Variants in SPATS2 observed in about 807,000 individuals in gnomAD.
The protein encoded by SPATS2 is spermatogenesis associated serine rich 2.
Under a neutral mutation model 63.7 loss-of-function variants are expected in SPATS2, and 38 were observed. The ratio of observed to expected loss-of-function variants is 0.60; its 90% CI spans 0.46 to 0.78. The LOEUF is 0.78. SPATS2 is among the 30% of genes least tolerant of loss of function. The pLI, the probability that SPATS2 is intolerant of heterozygous loss-of-function variation, is 0.00. For missense variants in SPATS2, 588 were observed against 666.2 expected (o/e 0.88, Z 1.29); for synonymous variants, 207 against 232.9 (o/e 0.89, Z 1.01).
chr12:49,387,529 C>T (rs376034921), intron 2 of SPATS2, among the ~76,000 whole-genome samples: 1 of 150,236 alleles, frequency 6.7e-6, no homozygotes, highest in African/African-American at 2.5e-5. Context: ...CCCAACTACT[C>T]GGGAGGATGA....
intron 2 of SPATS2, among the ~76,000 whole-genome samples, chr12:49,459,425 G>A (rs955695562): frequency 2.0e-5 from 3 of 151,652 alleles, no homozygotes; most frequent in Admixed American, 6.6e-5. Flanking sequence ...CTTGGCTCAC[G>A]GCAACCTCCG....
At chr12:49,419,559 C>T (rs1261606512) in intron 2 of SPATS2, among the ~76,000 whole-genome samples, 1 of 152,110 alleles carries the variant, frequency 6.6e-6, no homozygotes, top group African/African-American at 2.4e-5. Context: ...TGGGGCTTAG[C>T]CAGAAGATCT....
At chr12:49,384,958 C>T (rs374145967) in intron 2 of SPATS2, among the ~76,000 whole-genome samples, 369 of 152,030 alleles carry the variant, frequency 2.4e-3, no homozygotes, top group African/African-American at 8.2e-3. Flanking sequence ...TACAGGTGTG[C>T]GCCACCATGC....
chr12:49,441,328 A>G (rs1274300510), intron 2 of SPATS2, among the ~76,000 whole-genome samples: 3 of 152,188 alleles, frequency 2.0e-5, no homozygotes, highest in African/African-American at 7.2e-5. Context: ...ATTCTCAAGT[A>G]CCATAATCCA....
intron 2 of SPATS2, among the ~76,000 whole-genome samples, chr12:49,375,307 T>C (rs1944081050): frequency 6.6e-6 from 1 of 152,116 alleles, no homozygotes; most frequent in South Asian, 2.1e-4. Flanking sequence ...AGTAAATATC[T>C]TTTGTACTTG....
At chr12:49,506,666 A>G (rs1417867813) in intron 9 of SPATS2, among the ~76,000 whole-genome samples, 1 of 152,072 alleles carries the variant, frequency 6.6e-6, no homozygotes, top group Non-Finnish European at 1.5e-5. Flanking sequence ...AGGCAACATA[A>G]TGAGATCCCG....
chr12:49,432,389 T>C (rs1052154323), intron 2 of SPATS2, among the ~76,000 whole-genome samples: 2 of 152,192 alleles, frequency 1.3e-5, no homozygotes, highest in East Asian at 1.9e-4. Context: ...GAAGAGTCAC[T>C]TGAACCCAGG....
At chr12:49,377,785 A>G (rs1051855262) in intron 2 of SPATS2, among the ~76,000 whole-genome samples, 1 of 152,084 alleles carries the variant, frequency 6.6e-6, no homozygotes, top group East Asian at 1.9e-4. Flanking sequence ...TAAAATAGGG[A>G]AGCTGTATGA....
intron 10 of SPATS2, among the ~76,000 whole-genome samples, chr12:49,515,052 A>G (rs565870842): frequency 3.3e-5 from 5 of 152,288 alleles, no homozygotes; most frequent in African/African-American, 9.6e-5. Context: ...TTCTCAGTTT[A>G]TAGAACAGTC....
rs561184148 is a variant in SPATS2 at position 49,435,514 on chromosome 12, C to T, written c.-243-25256C>T. Among the ~76,000 whole-genome samples, 6 of 149,434 alleles carry T rather than the reference C, an allele frequency of 4.0e-5. No individual in the cohort carries two copies. The South Asian group carries it at 1.3e-3, about 32-fold the overall frequency. ...CTAATTTTTGTATTTTTAGTAGGGACGGGGTTTTGCCATGATGGCCAGGCT... is the reference window on the plus strand; with the variant it reads ...CTAATTTTTGTATTTTTAGTAGGGATGGGGTTTTGCCATGATGGCCAGGCT... On this transcript the variant is annotated intron_variant, in intron 2 of 13. Transcript: ENST00000552918.
chr12:49,399,624 A>G (rs1944570678), intron 2 of SPATS2, among the ~76,000 whole-genome samples: 1 of 152,220 alleles, frequency 6.6e-6, no homozygotes, highest in South Asian at 2.1e-4. Context: ...GTACAACAAA[A>G]TTTAAACAGA....
At chr12:49,488,853 A>G (rs1210397169) in intron 4 of SPATS2, among the ~76,000 whole-genome samples, 2 of 152,220 alleles carry the variant, frequency 1.3e-5, no homozygotes, top group African/African-American at 2.4e-5. Flanking sequence ...AAATAATACC[A>G]AGTTCAGGGT....
chr12:49,415,819 A>G (rs1371437537), intron 2 of SPATS2, among the ~76,000 whole-genome samples: 1 of 152,170 alleles, frequency 6.6e-6, no homozygotes, highest in Non-Finnish European at 1.5e-5. Flanking sequence ...CTGTGTTCCA[A>G]TAAAACTTTA....
At chr12:49,417,584 G>A (rs1944909615) in intron 2 of SPATS2, among the ~76,000 whole-genome samples, 1 of 152,212 alleles carries the variant, frequency 6.6e-6, no homozygotes, top group South Asian at 2.1e-4. Flanking sequence ...ATATGTGTTT[G>A]TAGAGGCTAT....
Position 49,494,915 on chromosome 12 carries a change from C to T in SPATS2, c.439C>T (p.Leu147Phe), listed in dbSNP as rs142287017. The T allele has an allele frequency of 2.5e-6, 4 of 1,613,912 alleles. No individual in the cohort carries two copies. The highest frequency in any genetic ancestry group is 1.7e-5 in the Admixed American group (1 of 59,964). The change falls in exon 7 of 14, where the codon CTC becomes TTC. Residue 147 changes from leucine (L) to phenylalanine (F), a missense_variant. Coordinates refer to ENST00000552918, the MANE Select transcript of SPATS2 (RefSeq NM_023071.4). ...CAATGACACTGAGTCTGTGGACTCA[C>T]TCAGTGAAGGTTTGGAGACACTTTC... ...AINDTESVDS[L>F]SEGLETLSID...
At chr12:49,368,117 G>A (rs1216027612) in intron 1 of SPATS2, among the ~76,000 whole-genome samples, 1 of 152,166 alleles carries the variant, frequency 6.6e-6, no homozygotes, top group Admixed American at 6.5e-5. Context: ...AATAGATGTG[G>A]TTAGGACTTG....
At chr12:49,372,001 A>G (rs1382399560) in intron 2 of SPATS2, among the ~76,000 whole-genome samples, 2 of 144,668 alleles carry the variant, frequency 1.4e-5, no homozygotes, top group South Asian at 2.2e-4. Flanking sequence ...GCTGGATCCT[A>G]TGGTAATTCT....
chr12:49,393,478 T>A (rs1337262562), intron 2 of SPATS2, among the ~76,000 whole-genome samples: 1 of 152,218 alleles, frequency 6.6e-6, no homozygotes. Flanking sequence ...TTGACTTTTT[T>A]ATTACTTTGA....
intron 2 of SPATS2, among the ~76,000 whole-genome samples, chr12:49,424,095 C>T (rs900697745): frequency 3.3e-5 from 5 of 151,960 alleles, no homozygotes; most frequent in Admixed American, 6.6e-5. Flanking sequence ...CCCAGCTGCT[C>T]GGGAGGCTGA....
Sources: gnomAD v4.1 joint callset for allele counts (sites outside exome capture counted in the v4.1 genomes callset) on GRCh38, gnomAD v4.1.1 for gene constraint, MANE v1.5 for transcripts, NCBI Gene and HGNC (gene_info 2026-07-23, HGNC 2026-07-21) for gene names.